DPF3: variants seen among roughly 807,000 people sequenced by gnomAD.
DPF3 encodes zinc finger protein DPF3.
In DPF3, 18 loss-of-function variants were observed where a neutral mutation model predicts 56.8. That is an observed-to-expected ratio of 0.32 (90% CI 0.22 to 0.47). DPF3 has a LOEUF of 0.47. Ranked by LOEUF, DPF3 falls within the 20% of genes least tolerant of loss-of-function variation. The probability of loss-of-function intolerance (pLI) is 1.00; values close to 1 mark genes in which losing one functional copy is unlikely to be tolerated. For missense variants in DPF3, 403 were observed against 488.8 expected, an observed-to-expected ratio of 0.82 and a Z score of 1.65; for synonymous variants, 188 against 180.2, an observed-to-expected ratio of 1.04 and a Z score of -0.35.
chr14:72,731,910 T>C lies in DPF3; in HGVS notation c.326A>G (p.Asp109Gly), dbSNP rs753791978. ...KPEVELPLKK[D>G]GFTSESTTLE... ...CGTGGTGCTCTCTGAGGTGAACCCA[T>C]CCTTCTTCAGGGGAAGCTCCACTTC... Residue 109 changes from aspartate to glycine, a missense_variant, in exon 4 of 11, where the codon GAT becomes GGT. Asp to Gly is a moderately conservative substitution (Grantham distance 94). Transcript: ENST00000556509. 1.1e-5 allele frequency: 18 copies of C among 1,595,850 alleles called. No homozygotes were observed. The East Asian group carries it at 3.8e-4, about 34-fold the overall frequency.
At chr14:72,809,145 T>C (rs1882920921) in intron 1 of DPF3, among the ~76,000 whole-genome samples, 1 of 152,264 alleles carries the variant, frequency 6.6e-6, no homozygotes, top group African/African-American at 2.4e-5. Flanking sequence ...TTCCCTGCCA[T>C]GTTGTGATGC....
At chr14:72,798,662 A>G (rs564652990) in intron 1 of DPF3, among the ~76,000 whole-genome samples, 28 of 152,332 alleles carry the variant, frequency 1.8e-4, no homozygotes, top group Middle Eastern at 3.4e-3. Context: ...ATGCAGCCAG[A>G]TCCCTTTCCC....
chr14:72,662,963 A>C, intron 8 of DPF3: 1 of 637,994 alleles, frequency 1.6e-6, no homozygotes, highest in Non-Finnish European at 1.9e-6. Flanking sequence ...AGAAGAAAGA[A>C]AGAAAACCAC....
intron 1 of DPF3, among the ~76,000 whole-genome samples, chr14:72,858,961 G>C (rs1429635492): frequency 1.3e-5 from 2 of 152,060 alleles, no homozygotes; most frequent in Non-Finnish European, 2.9e-5. Context: ...GGGTGTATAT[G>C]TATATGTATA....
At chr14:72,821,269 G>A (rs1026680063) in intron 1 of DPF3, among the ~76,000 whole-genome samples, 2 of 152,100 alleles carry the variant, frequency 1.3e-5, no homozygotes, top group Non-Finnish European at 2.9e-5. Context: ...GGGCAACAGA[G>A]TAGGACTGTG....
intron 8 of DPF3, among the ~76,000 whole-genome samples, chr14:72,640,857 G>T (rs1199633090): frequency 6.6e-6 from 1 of 152,196 alleles, no homozygotes; most frequent in Non-Finnish European, 1.5e-5. Context: ...AGGTTTGGGT[G>T]GTAGATGAAG....
intron 1 of DPF3, among the ~76,000 whole-genome samples, chr14:72,863,673 A>C (rs1885545610): frequency 6.6e-6 from 1 of 152,038 alleles, no homozygotes; most frequent in Non-Finnish European, 1.5e-5. Context: ...TTTGTTTTGA[A>C]TGTGCATTGA....
At chr14:72,848,186 C>T (rs560326483) in intron 1 of DPF3, among the ~76,000 whole-genome samples, 1 of 151,936 alleles carries the variant, frequency 6.6e-6, no homozygotes, top group East Asian at 1.9e-4. Context: ...GACACAGAGT[C>T]TCGCTCTGTC....
intron 8 of DPF3, among the ~76,000 whole-genome samples, chr14:72,631,121 T>C (rs1282368198): frequency 6.6e-6 from 1 of 152,094 alleles, no homozygotes; most frequent in Non-Finnish European, 1.5e-5. Context: ...CCATGCTGAG[T>C]TATCTTGGAG....
intron 8 of DPF3, among the ~76,000 whole-genome samples, chr14:72,646,644 T>C (rs2803975): frequency 0.32 from 49,372 of 152,012 alleles, 9,208 homozygotes; most frequent in African/African-American, 0.52. Context: ...CCTTTCTCCA[T>C]CCCCTTCCTT....
intron 8 of DPF3, among the ~76,000 whole-genome samples, chr14:72,630,048 C>T (rs1174849329): frequency 6.6e-6 from 1 of 152,162 alleles, no homozygotes; most frequent in Non-Finnish European, 1.5e-5. Flanking sequence ...CTGCAGAGTA[C>T]ACAGCCTGGG....
At chr14:72,659,282 T>C (rs1886138367) in intron 8 of DPF3, among the ~76,000 whole-genome samples, 1 of 152,240 alleles carries the variant, frequency 6.6e-6, no homozygotes, top group Non-Finnish European at 1.5e-5. Flanking sequence ...CTATGGTAAC[T>C]ACATGTTTCC....
rs185169808 is a variant in DPF3, at chr14:72,731,418, G to A, written c.429+389C>T. The A allele has an allele frequency of 1.4e-4, 26 of 183,522 alleles. No individual in the cohort carries two copies. In the Middle Eastern group the frequency reaches 9.3e-3, roughly 66 times the overall value. The allele number at this position is 183,522 out of a possible 1,614,324, so 11.4% of individuals were successfully genotyped here. A position where few individuals can be genotyped will look rare whatever the true frequency, so the allele number is the denominator to read the frequency against. Reference sequence around the variant, plus strand: ...TGGGGGGTGGGCAAGCCGGACTCACGTGGCCGTAGCTGGAGCAGACGCTCC... The same window carrying A: ...TGGGGGGTGGGCAAGCCGGACTCACATGGCCGTAGCTGGAGCAGACGCTCC... On this transcript the variant is annotated intron_variant, in intron 4 of 10. Coordinates refer to ENST00000556509, the MANE Select transcript of DPF3 (RefSeq NM_001280542.3).
chr14:72,715,348 C>A (rs999753015), intron 5 of DPF3, among the ~76,000 whole-genome samples: 1 of 152,116 alleles, frequency 6.6e-6, no homozygotes, highest in Non-Finnish European at 1.5e-5. Context: ...AAGAACACAG[C>A]GAGGTTTATT....
intron 3 of DPF3, 67 bp from the exon 4 acceptor site, chr14:72,732,001 G>C (rs934868768): frequency 6.5e-7 from 1 of 1,537,920 alleles, no homozygotes; most frequent in South Asian, 1.2e-5. Flanking sequence ...GGACAGTCCT[G>C]GAGGACACGC....
At chr14:72,754,646 T>C (rs1340753970) in intron 2 of DPF3, among the ~76,000 whole-genome samples, 1 of 152,224 alleles carries the variant, frequency 6.6e-6, no homozygotes, top group African/African-American at 2.4e-5. Context: ...CCATCTGCCG[T>C]CTTCCATTTT....
At chr14:72,892,942 TGGAAGGAAGGAAGGAA>T (rs61598180) in intron 1 of DPF3, among the ~76,000 whole-genome samples, 15,015 of 132,158 alleles carry the variant, frequency 0.11, 2,148 homozygotes, top group Admixed American at 0.14. Context: ...TTCCACTGAC[TGGAAGGAAGGAAGGAA>T]GGAAGGAAGG....
intron 8 of DPF3, chr14:72,662,851 A>T (rs35080705): frequency 1.0e-6 from 1 of 985,160 alleles, no homozygotes; most frequent in Non-Finnish European, 1.2e-6. Context: ...GGGAAAGGCA[A>T]TGAAAGATAA....
chr14:72,738,475 C>A (rs941974152), intron 3 of DPF3, among the ~76,000 whole-genome samples: 1 of 152,014 alleles, frequency 6.6e-6, no homozygotes, highest in Non-Finnish European at 1.5e-5. Context: ...CACAGATAAG[C>A]ATTCCCCCAC....
Sources: allele counts gnomAD v4.1 joint callset (sites outside exome capture counted in the v4.1 genomes callset), GRCh38; gene constraint gnomAD v4.1.1; transcripts MANE v1.5; gene names NCBI Gene and HGNC (gene_info 2026-07-23, HGNC 2026-07-21).